TXLNB: variants seen among roughly 807,000 people sequenced by gnomAD.
The protein encoded by TXLNB is taxilin beta.
In TXLNB, 37 loss-of-function variants were observed where a neutral mutation model predicts 57.4. The ratio of observed to expected loss-of-function variants is 0.64; its 90% CI spans 0.50 to 0.85. TXLNB has a LOEUF of 0.85. TXLNB is among the 40% of genes least tolerant of loss of function. TXLNB has a pLI of 0.00. For missense variants in TXLNB, 848 were observed against 825.6 expected (o/e 1.03, Z -0.33); for synonymous variants, 302 against 309.6 (o/e 0.98, Z 0.26).
At chr6:139,292,606 A>T (rs1377158785), upstream of TXLNB, among the ~76,000 whole-genome samples, 4 of 152,176 alleles carry the variant, frequency 2.6e-5, no homozygotes, top group African/African-American at 7.2e-5. This position sits in a 1 kb window ranked among gnomAD's most constrained non-coding sequence, Gnocchi z 4.0. Context: ...AACTGAGTAT[A>T]ATCTTCATGC....
chr6:139,184,111 G>A, the TXLNB span, among the ~76,000 whole-genome samples: 1 of 152,202 alleles, frequency 6.6e-6, no homozygotes, highest in African/African-American at 2.4e-5. Flanking sequence ...GGCTGCTTAT[G>A]TTTGCTACTT....
At chr6:139,265,426 ATGTGTG>A (rs533300015) in intron 4 of TXLNB, among the ~76,000 whole-genome samples, 2 of 150,066 alleles carry the variant, frequency 1.3e-5, no homozygotes, top group South Asian at 2.1e-4. Context: ...GTGAGGTTGT[ATGTGTG>A]TGTGTGTGTG....
At chr6:139,289,458 C>T (rs554602243) in intron 1 of TXLNB, among the ~76,000 whole-genome samples, 3 of 152,314 alleles carry the variant, frequency 2.0e-5, no homozygotes, top group East Asian at 3.9e-4. Context: ...CTGACGCTCC[C>T]GGCCGATTAA....
chr6:139,255,248 C>T (rs758435335), intron 7 of TXLNB: 9 of 373,070 alleles, frequency 2.4e-5, no homozygotes, highest in African/African-American at 1.1e-4. Flanking sequence ...AGGGGAAGTA[C>T]GGTGGAAATA....
intron 2 of TXLNB, among the ~76,000 whole-genome samples, chr6:139,288,056 G>C (rs559869032): frequency 2.0e-5 from 3 of 152,346 alleles, no homozygotes; most frequent in African/African-American, 7.2e-5. Flanking sequence ...ATGGAGCATA[G>C]CATGTTCAAA....
At chr6:139,309,915 T>G in the TXLNB span, among the ~76,000 whole-genome samples, 1 of 152,142 alleles carries the variant, frequency 6.6e-6, no homozygotes, top group Admixed American at 6.5e-5. Flanking sequence ...CTGGAAAAAC[T>G]AGATTACCAT....
chr6:139,279,717 A>T (rs1415121368), intron 2 of TXLNB, among the ~76,000 whole-genome samples: 2 of 151,532 alleles, frequency 1.3e-5, no homozygotes, highest in East Asian at 3.8e-4. Context: ...AAGAGGAAAA[A>T]CTGACTTTAT....
At chr6:139,280,252 A>T (rs1361654918) in intron 2 of TXLNB, among the ~76,000 whole-genome samples, 1 of 33,442 alleles carries the variant, frequency 3.0e-5, no homozygotes, top group African/African-American at 8.0e-5. Flanking sequence ...CTCTCTCTCT[A>T]AAAAAAAAAA....
chr6:139,205,294 A>AT, the TXLNB span, among the ~76,000 whole-genome samples: 1 of 152,116 alleles, frequency 6.6e-6, no homozygotes, highest in Non-Finnish European at 1.5e-5. Context: ...CACCTGGCAA[A>AT]TTTTTTATTT....
chr6:139,243,495 T>TTC (rs1422659678), intron 9 of TXLNB, among the ~76,000 whole-genome samples, 181 bp from the exon 10 acceptor site: 2 of 149,284 alleles, frequency 1.3e-5, no homozygotes, highest in African/African-American at 4.9e-5. Flanking sequence ...CACTTTCCTT[T>TTC]TTTTTTTTTT....
At chr6:139,309,543 A>G in the TXLNB span, among the ~76,000 whole-genome samples, 1 of 152,332 alleles carries the variant, frequency 6.6e-6, no homozygotes, top group Admixed American at 6.5e-5. Flanking sequence ...ACCTTGTACA[A>G]AGAAAGTAGT....
chr6:139,188,791 G>T, the TXLNB span, among the ~76,000 whole-genome samples: 1 of 149,974 alleles, frequency 6.7e-6, no homozygotes, highest in African/African-American at 2.5e-5. Context: ...GTCTTGCTCT[G>T]TCGCCCAGGC....
At position 139,260,339 on chromosome 6, in the gene TXLNB, T is replaced by G; in HGVS notation, c.981A>C (p.Arg327=). 6.2e-7 allele frequency: 1 copy of G among 1,614,186 alleles called. No homozygotes were observed. Among genetic ancestry groups the G allele is most frequent in the Non-Finnish European group, 8.5e-7 (1 of 1,180,024 alleles). The stretch of plus-strand genomic sequence containing the variant: ...ATACATATTCCTTTTCTCGTTTGTG[T>G]CGCTCCTCCGCTTCCTTCATCATTT... The part of the protein sequence containing the change: ...AQEMMKEAEE[R]HKREKEYLLN... The change falls in exon 6 of 10, where the codon CGA becomes CGC. Residue 327 remains arginine, a synonymous_variant. Transcript: ENST00000358430.
Position 139,243,144 on chromosome 6 carries a change from C to A in TXLNB, c.1437G>T (p.Glu479Asp). 6.2e-7 allele frequency: 1 copy of A among 1,614,226 alleles called. No homozygotes were observed. The highest frequency in any genetic ancestry group is 8.5e-7 in the Non-Finnish European group (1 of 1,180,042). Residue 479 changes from glutamate (E) to aspartate (D), a missense_variant, in exon 10 of 10, where the codon GAG becomes GAT. By Grantham distance (45) the Glu-to-Asp change is conservative. Transcript: ENST00000358430. The part of the protein sequence containing the change: ...QSQHNSDEEP[E>D]SNVSVDQEID... Reference sequence around the variant, plus strand: ...TCTCTTGATCCACAGAGACGTTTGACTCTGGCTCTTCATCGGAGTTGTGCT... The same window carrying A: ...TCTCTTGATCCACAGAGACGTTTGAATCTGGCTCTTCATCGGAGTTGTGCT...
chr6:139,262,629 G>A lies in TXLNB; in HGVS notation c.832C>T (p.Leu278Phe), dbSNP rs1776512546. The A allele has an allele frequency of 1.2e-6, 2 of 1,614,002 alleles. No individual in the cohort carries two copies. Among genetic ancestry groups the A allele is most frequent in the Admixed American group, 1.7e-5 (1 of 60,000 alleles). ...NMKLCQENTE[L>F]AEKLKSIIDQ... ...ATGATGCTTTTCAGCTTTTCTGCAA[G>A]CTCTGTGTTCTCCTGACAGAGCTTC... The change falls in exon 5 of 10, where the codon CTT (leucine) becomes TTT (phenylalanine). Residue 278 changes from leucine (L) to phenylalanine (F), a missense_variant. Leu to Phe is a conservative substitution (Grantham distance 22). Coordinates refer to ENST00000358430, the MANE Select transcript of TXLNB (RefSeq NM_153235.4).
chr6:139,264,406 G>A (rs1776560617), intron 4 of TXLNB, among the ~76,000 whole-genome samples: 1 of 151,900 alleles, frequency 6.6e-6, no homozygotes, highest in African/African-American at 2.4e-5. Flanking sequence ...GCAAGTCTGA[G>A]TTGTTGTTTT....
upstream of TXLNB, among the ~76,000 whole-genome samples, chr6:139,292,311 A>G (rs1326347944): frequency 6.6e-6 from 1 of 152,184 alleles, no homozygotes; most frequent in Non-Finnish European, 1.5e-5. The surrounding 1 kb of genome is among the most constrained non-coding windows in gnomAD (Gnocchi z 4.0). Context: ...CTCTGAGTAT[A>G]TTACCCCCGT....
the TXLNB span, chr6:139,166,584 G>C: frequency 6.2e-7 from 1 of 1,614,230 alleles, no homozygotes; most frequent in Non-Finnish European, 8.5e-7. Flanking sequence ...GACACAGACT[G>C]GTATCAGGTG....
the TXLNB span, among the ~76,000 whole-genome samples, chr6:139,163,807 C>A: frequency 6.6e-6 from 1 of 152,156 alleles, no homozygotes; most frequent in Admixed American, 6.5e-5. Flanking sequence ...TCTGCCCACT[C>A]CTCCCGTTTT....
Sources: allele counts gnomAD v4.1 joint callset (sites outside exome capture counted in the v4.1 genomes callset), GRCh38; gene constraint gnomAD v4.1.1; non-coding constraint Gnocchi (gnomAD v3.1); transcripts MANE v1.5; gene names NCBI Gene and HGNC (gene_info 2026-07-23, HGNC 2026-07-21).